Variants in TRPC4 observed in about 807,000 individuals in gnomAD.
The protein encoded by TRPC4 is transient receptor potential cation channel subfamily C member 4.
TRPC4 carries 49 observed loss-of-function variants against 99.4 expected under a neutral mutation model. The observed-to-expected ratio is 0.49, with a 90% CI of 0.39 to 0.63. The LOEUF is 0.63. TRPC4 is among the 20% of genes least tolerant of loss of function. The probability of loss-of-function intolerance (pLI) is 0.00; values close to 1 mark genes in which losing one functional copy is unlikely to be tolerated. For synonymous variants in TRPC4, 454 were observed against 425.9 expected (o/e 1.07, Z -0.81); for missense variants, 898 against 1,152.9 (o/e 0.78, Z 3.20).
chr13:37,734,125 G>A (rs1955324564), intron 3 of TRPC4, among the ~76,000 whole-genome samples: 1 of 152,126 alleles, frequency 6.6e-6, no homozygotes, highest in Non-Finnish European at 1.5e-5. Context: ...CCATGAATCT[G>A]CACAGAGTAT....
intron 1 of TRPC4, 149 bp from the exon 2 acceptor site, chr13:37,783,509 C>T (rs1043491506): frequency 1.4e-4 from 67 of 489,314 alleles, no homozygotes; most frequent in Non-Finnish European, 2.1e-4. Context: ...TTTTCTTCAA[C>T]AATATAAATA....
chr13:37,738,822 C>A (rs921556779), intron 3 of TRPC4, among the ~76,000 whole-genome samples: 4 of 152,100 alleles, frequency 2.6e-5, no homozygotes, highest in Non-Finnish European at 5.9e-5. Context: ...AAAATTTAGG[C>A]AGAATCCACA....
At chr13:37,838,874 C>T (rs9548066) in intron 1 of TRPC4, among the ~76,000 whole-genome samples, 22,231 of 151,976 alleles carry the variant, frequency 0.15, 2,064 homozygotes, top group Non-Finnish European at 0.2. Flanking sequence ...CTTCTGTCCA[C>T]GATTATAATT....
At chr13:37,868,400 C>G (rs1294413864) in intron 1 of TRPC4, among the ~76,000 whole-genome samples, 3 of 152,024 alleles carry the variant, frequency 2.0e-5, no homozygotes, top group Admixed American at 6.6e-5. Flanking sequence ...AAACCCAACA[C>G]AATGATGAAG....
intron 1 of TRPC4, among the ~76,000 whole-genome samples, chr13:37,834,866 C>T (rs1425745105): frequency 1.3e-5 from 2 of 152,228 alleles, no homozygotes; most frequent in African/African-American, 4.8e-5. Flanking sequence ...TCCCAAGTAA[C>T]TGGGGGTACA....
intron 1 of TRPC4, among the ~76,000 whole-genome samples, chr13:37,809,503 TA>T (rs1290116570): frequency 4.6e-5 from 7 of 151,124 alleles, no homozygotes; most frequent in East Asian, 3.9e-4. Context: ...TATAAGCTAT[TA>T]AAAAAATATA....
intron 8 of TRPC4, among the ~76,000 whole-genome samples, chr13:37,645,176 C>G (rs924280764): frequency 7.6e-4 from 116 of 152,010 alleles, no homozygotes; most frequent in African/African-American, 2.8e-3. Flanking sequence ...TAGCATAATT[C>G]ACAGTTTGCA....
intron 2 of TRPC4, among the ~76,000 whole-genome samples, chr13:37,771,650 C>A (rs1364600574): frequency 6.6e-6 from 1 of 150,640 alleles, no homozygotes; most frequent in Admixed American, 6.7e-5. Context: ...CATTTTATAA[C>A]CTAAGAAATA....
chr13:37,776,587 G>C (rs565377579), intron 2 of TRPC4, among the ~76,000 whole-genome samples: 31 of 151,964 alleles, frequency 2.0e-4, no homozygotes, highest in African/African-American at 7.5e-4. Context: ...AAAACAAATA[G>C]AAAGGAGTAA....
At chr13:37,652,674 G>GCT (rs1952088037) in intron 7 of TRPC4, among the ~76,000 whole-genome samples, 1 of 152,300 alleles carries the variant, frequency 6.6e-6, no homozygotes, top group Non-Finnish European at 1.5e-5. Flanking sequence ...ATGCTGCATT[G>GCT]GTGAAGAGAA....
At chr13:37,639,606 T>C (rs1259414221) in intron 8 of TRPC4, among the ~76,000 whole-genome samples, 1 of 152,010 alleles carries the variant, frequency 6.6e-6, no homozygotes, top group African/African-American at 2.4e-5. Flanking sequence ...ATTGACGGAA[T>C]GATGCTAAGA....
chr13:37,824,047 G>A (rs941534020), intron 1 of TRPC4, among the ~76,000 whole-genome samples: 2 of 141,724 alleles, frequency 1.4e-5, no homozygotes, highest in Admixed American at 1.5e-4. Flanking sequence ...GTGAATGGGA[G>A]TTCCCTCATG....
rs553203286 is a variant in TRPC4, at chr13:37,743,518, A to G, written c.897+2419T>C. 2.6e-5 allele frequency among the ~76,000 whole-genome samples: 4 copies of G among 152,288 alleles called. No individual in the cohort carries two copies. In the East Asian group the frequency reaches 7.7e-4, roughly 29 times the overall value. ...TAAGGAAGAACATTTTTAGTGGTTC[A>G]GGAACAAAATGGAGAATATATATTC... On this transcript the variant is annotated intron_variant, in intron 3 of 10. Coordinates refer to ENST00000379705, the MANE Select transcript of TRPC4 (RefSeq NM_016179.4).
chr13:37,725,559 G>A (rs9548037), intron 3 of TRPC4, among the ~76,000 whole-genome samples: 47,902 of 151,928 alleles, frequency 0.32, 8,907 homozygotes, highest in East Asian at 0.76. Flanking sequence ...AGAAACTTTA[G>A]ATACCAGAAG....
At chr13:37,693,460 T>C (rs879628708) in intron 3 of TRPC4, among the ~76,000 whole-genome samples, 4 of 152,220 alleles carry the variant, frequency 2.6e-5, no homozygotes, top group Non-Finnish European at 5.9e-5. Context: ...CATCATAAAA[T>C]AGGCTTACTC....
rs1322322882 is a variant in TRPC4 at position 37,649,750 on chromosome 13, A to C, written c.2079+1515T>G. 1.4e-3 allele frequency among the ~76,000 whole-genome samples: 200 copies of C among 139,418 alleles called. 3 individuals are homozygous for C. Among genetic ancestry groups the C allele is most frequent in the African/African-American group, 4.5e-3 (180 of 39,874 alleles). The allele number at this position is 139,418 out of a possible 152,430, so 91.5% of individuals were successfully genotyped here. A position where few individuals can be genotyped will look rare whatever the true frequency, so the allele number is the denominator to read the frequency against. On this transcript the variant is annotated intron_variant, in intron 8 of 10. Transcript: ENST00000379705. ...CCGTCTCAAAAAAAAAAAAAAAAAA[A>C]AAAAAAAAAACAACAACAAAGAACT...
intron 2 of TRPC4, among the ~76,000 whole-genome samples, chr13:37,780,277 A>C (rs553817718): frequency 6.6e-6 from 1 of 152,224 alleles, no homozygotes; most frequent in South Asian, 2.1e-4. Flanking sequence ...CACATTTAAA[A>C]ACTACTAAGT....
intron 1 of TRPC4, among the ~76,000 whole-genome samples, chr13:37,795,512 A>G (rs977004546): frequency 6.6e-6 from 1 of 152,184 alleles, no homozygotes; most frequent in African/African-American, 2.4e-5. Flanking sequence ...TCAGGGGGGT[A>G]AGAAATGCTT....
chr13:37,867,228 A>G (rs1959821291), intron 1 of TRPC4, among the ~76,000 whole-genome samples: 1 of 151,938 alleles, frequency 6.6e-6, no homozygotes, highest in South Asian at 2.1e-4. Flanking sequence ...TTACTTATAT[A>G]TCTATACTAA....
Sources: allele counts gnomAD v4.1 joint callset (sites outside exome capture counted in the v4.1 genomes callset), GRCh38; gene constraint gnomAD v4.1.1; transcripts MANE v1.5; gene names NCBI Gene and HGNC (gene_info 2026-07-23, HGNC 2026-07-21).